Variants in AGPAT5 observed in about 807,000 individuals in gnomAD.
AGPAT5 encodes the protein 1-acyl-sn-glycerol-3-phosphate acyltransferase epsilon.
Under a neutral mutation model 45.6 loss-of-function variants are expected in AGPAT5, and 46 were observed. The ratio of observed to expected loss-of-function variants is 1.01; its 90% confidence interval spans 0.80 to 1.29. AGPAT5 has a LOEUF of 1.29. Among genes scored for constraint, AGPAT5 ranks in the 50% most tolerant of loss-of-function variants. The pLI, the probability that AGPAT5 is intolerant of heterozygous loss-of-function variation, is 0.00. For missense variants in AGPAT5, 673 were observed against 450.7 expected, an observed-to-expected ratio of 1.49 and a Z score of -4.47; for synonymous variants, 272 against 167.0, an observed-to-expected ratio of 1.63 and a Z score of -4.85.
At chr8:6,756,872 T>G (rs1801859376) in intron 7 of AGPAT5, among the ~76,000 whole-genome samples, 1 of 152,204 alleles carries the variant, frequency 6.6e-6, no homozygotes, top group South Asian at 2.1e-4. Flanking sequence ...CAGGTCACTG[T>G]AAAACTTTAT....
rs769802831 is a variant in AGPAT5, at chr8:6,732,582, C to G, written c.427C>G (p.Arg143Gly). The change falls in exon 4 of 8, where the codon CGC becomes GGC. Residue 143 changes from arginine to glycine, a missense_variant. Transcript: ENST00000285518. The stretch of plus-strand genomic sequence containing the variant: ...GCAGCATGGAGGAATCTATGTAAAG[C>G]GCAGTGCCAAATTTAACGAGAAAGA... ...FAQHGGIYVK[R>G]SAKFNEKEMR... The G allele has an allele frequency of 1.9e-6, 3 of 1,609,646 alleles. No individual in the cohort carries two copies. Among genetic ancestry groups the G allele is most frequent in the Non-Finnish European group, 2.5e-6 (3 of 1,178,874 alleles).
At chr8:6,742,652 A>T (rs2116930074) in intron 5 of AGPAT5, among the ~76,000 whole-genome samples, 1 of 152,346 alleles carries the variant, frequency 6.6e-6, no homozygotes, top group South Asian at 2.1e-4. Context: ...ACATGTGACT[A>T]GTGCATGAAA....
Position 6,754,843 on chromosome 8 carries a change from A to T in AGPAT5, c.746-208A>T, listed in dbSNP as rs77337450. Among the ~76,000 whole-genome samples, 4 of 152,318 alleles carry T rather than the reference A, an allele frequency of 2.6e-5. No homozygotes were observed. In the East Asian group the frequency reaches 7.7e-4, roughly 29 times the overall value. ...TGTAATTGTAGTTGACTTAGAAATT[A>T]TAACATGCTCTTCTACTTCAGCTTG... On this transcript the variant is annotated intron_variant, in intron 6 of 7. Coordinates refer to ENST00000285518, the MANE Select transcript of AGPAT5 (RefSeq NM_018361.5).
intron 6 of AGPAT5, among the ~76,000 whole-genome samples, chr8:6,754,439 A>T (rs1033339205): frequency 6.6e-6 from 1 of 152,190 alleles, no homozygotes; most frequent in African/African-American, 2.4e-5. Flanking sequence ...GAGGAGGGGC[A>T]ATTGCTCCCC....
chr8:6,757,558 A>G lies in AGPAT5; in HGVS notation c.*170A>G, dbSNP rs1801886998. On this transcript the variant is annotated 3_prime_UTR_variant, in exon 8 of 8. Coordinates refer to ENST00000285518, the MANE Select transcript of AGPAT5 (RefSeq NM_018361.5). ...AAGCTGATATGCAATGGTCTTGGGC[A>G]AACATACCTGGTTGTACAACTTTAG... The G allele has an allele frequency of 1.7e-6, 1 of 601,102 alleles. No homozygotes were observed. The highest frequency in any genetic ancestry group is 2.9e-6 in the Non-Finnish European group (1 of 345,040). 37.2% of individuals were successfully genotyped at this position (601,102 alleles called of 1,614,324 possible).
chr8:6,709,090 C>A (rs539120839), intron 1 of AGPAT5: 96 of 654,238 alleles, frequency 1.5e-4, no homozygotes, highest in Middle Eastern at 4.9e-4. Context: ...GTGGCTGCGT[C>A]GTCCTGAGGC....
intron 1 of AGPAT5, among the ~76,000 whole-genome samples, chr8:6,715,526 T>C (rs1800294082): frequency 1.3e-5 from 2 of 152,196 alleles, no homozygotes; most frequent in South Asian, 4.2e-4. Context: ...ATTCCATCTT[T>C]ACAAAGTAGG....
At chr8:6,726,052 G>C (rs1417963996) in intron 2 of AGPAT5, among the ~76,000 whole-genome samples, 8 of 152,224 alleles carry the variant, frequency 5.3e-5, no homozygotes, top group African/African-American at 1.9e-4. Context: ...TAGGAATCTT[G>C]ATGTATCTGA....
intron 6 of AGPAT5, among the ~76,000 whole-genome samples, chr8:6,749,010 G>A (rs190632243): frequency 2.0e-5 from 3 of 152,310 alleles, no homozygotes; most frequent in Non-Finnish European, 4.4e-5. Context: ...GCATTCAGAA[G>A]TGAGCAAGGA....
In AGPAT5 at chr8:6,757,974, C is replaced by T. The variant is rs1250696674; in HGVS notation, c.*586C>T. 1 of 152,188 alleles carries T rather than the reference C, an allele frequency of 6.6e-6. No homozygotes were observed. Among genetic ancestry groups the T allele is most frequent in the East Asian group, 1.9e-4 (1 of 5,204 alleles). The allele number at this position is 152,188 out of a possible 1,614,324, so 9.4% of individuals were successfully genotyped here. On this transcript the variant is annotated 3_prime_UTR_variant, in exon 8 of 8. Coordinates refer to ENST00000285518, the MANE Select transcript of AGPAT5 (RefSeq NM_018361.5). ...TATTGCGTTATTAGCTGATTTTACT[C>T]ATTTTATATTTGCAAAATAAATTTC...
At chr8:6,710,265 G>A (rs1001257116) in intron 1 of AGPAT5, among the ~76,000 whole-genome samples, 2 of 152,150 alleles carry the variant, frequency 1.3e-5, no homozygotes, top group African/African-American at 4.8e-5. Context: ...ACCTAGCAGT[G>A]TTTCTGAAAT....
intron 7 of AGPAT5, among the ~76,000 whole-genome samples, chr8:6,756,514 A>G (rs1801839714): frequency 6.6e-6 from 1 of 151,474 alleles, no homozygotes; most frequent in African/African-American, 2.4e-5. Context: ...GCTACTCAGG[A>G]GGCCGAGGTG....
In AGPAT5 at chr8:6,758,706, AG is replaced by A. The variant is rs1801928383; in HGVS notation, c.*1320del. On this transcript the variant is annotated 3_prime_UTR_variant, in exon 8 of 8. Coordinates refer to ENST00000285518, the MANE Select transcript of AGPAT5 (RefSeq NM_018361.5). Reference sequence around the variant, plus strand: ...CGCCTTAGAGCAAGAGCTGTGTTCCAGGAACCAGATCACGATTTTTAGCCAT... The same window carrying A: ...CGCCTTAGAGCAAGAGCTGTGTTCCAGAACCAGATCACGATTTTTAGCCAT... 1 of 152,664 alleles carries A rather than the reference AG, an allele frequency of 6.6e-6. No homozygotes were observed. The highest frequency in any genetic ancestry group is 1.5e-5 in the Non-Finnish European group (1 of 68,030). 9.5% of individuals were successfully genotyped at this position (152,664 alleles called of 1,614,324 possible).
rs1006212529 is a variant in AGPAT5, at chr8:6,732,463, C to A, written c.406-98C>A. 7.7e-6 allele frequency: 6 copies of A among 778,070 alleles called. No homozygotes were observed. The African/African-American group carries it at 1.1e-4, about 14-fold the overall frequency. The allele number at this position is 778,070 out of a possible 1,614,324, so 48.2% of individuals were successfully genotyped here. A position where few individuals can be genotyped will look rare whatever the true frequency, so the allele number is the denominator to read the frequency against. On this transcript the variant is annotated intron_variant, in intron 3 of 7. Coordinates refer to ENST00000285518, the MANE Select transcript of AGPAT5 (RefSeq NM_018361.5). ...AGATTAAATTCTGAAATGTAGTTTTCATTCTGTACTTTTTGCAAGAGAAGT... is the reference window on the plus strand; with the variant it reads ...AGATTAAATTCTGAAATGTAGTTTTAATTCTGTACTTTTTGCAAGAGAAGT...
chr8:6,708,933 C>T (rs750658975), intron 1 of AGPAT5, 46 bp downstream of exon 1: 11 of 1,550,202 alleles, frequency 7.1e-6, no homozygotes, highest in African/African-American at 4.1e-5. Context: ...CCCGAGCTCC[C>T]GGGGGCGCGG....
chr8:6,742,516 T>C (rs1341143402), intron 5 of AGPAT5, among the ~76,000 whole-genome samples: 1 of 152,168 alleles, frequency 6.6e-6, no homozygotes, highest in Non-Finnish European at 1.5e-5. Flanking sequence ...GCAAATACCT[T>C]GTTGGTGACA....
rs149350461 is a variant in AGPAT5, at chr8:6,732,632, C to G, written c.477C>G (p.Tyr159Ter). Residue 159 changes from tyrosine (Y) to a stop codon, truncating the protein, a stop_gained, in exon 4 of 8, where the codon TAC becomes TAG. Coordinates refer to ENST00000285518, the MANE Select transcript of AGPAT5 (RefSeq NM_018361.5). LOFTEE classifies it high-confidence loss of function. ...EKEMRNKLQS[Y>*]VDAGTPMYLV... ...AGATGCGAAACAAGTTGCAGAGCTA[C>G]GTGGACGCAGGAACTCCAGTAAGAG... 6 of 1,610,122 alleles carry G rather than the reference C, an allele frequency of 3.7e-6. No homozygotes were observed. Among genetic ancestry groups the G allele is most frequent in the African/African-American group, 2.7e-5 (2 of 74,706 alleles).
rs1055812883 is a variant in AGPAT5 at position 6,758,624 on chromosome 8, C to T, written c.*1236C>T. On this transcript the variant is annotated 3_prime_UTR_variant, in exon 8 of 8. Coordinates refer to ENST00000285518, the MANE Select transcript of AGPAT5 (RefSeq NM_018361.5). ...GAAATACAGACTTAATTTGTCATGA[C>T]TGAACGAATTTGTTTATTTCCCATT... 1.3e-4 allele frequency: 20 copies of T among 152,606 alleles called. No individual in the cohort carries two copies. The highest frequency in any genetic ancestry group is 4.8e-4 in the African/African-American group (20 of 41,572). 9.5% of individuals were successfully genotyped at this position (152,606 alleles called of 1,614,324 possible).
intron 1 of AGPAT5, among the ~76,000 whole-genome samples, chr8:6,722,892 A>G (rs796962206): frequency 6.6e-6 from 1 of 152,334 alleles, no homozygotes; most frequent in African/African-American, 2.4e-5. Context: ...TGAAATTATC[A>G]TGAACAAGCA....
Sources: allele counts gnomAD v4.1 joint callset (sites outside exome capture counted in the v4.1 genomes callset), GRCh38; gene constraint gnomAD v4.1.1; transcripts MANE v1.5; gene names NCBI Gene and HGNC (gene_info 2026-07-23, HGNC 2026-07-21).